Variants in RP1 observed in about 807,000 individuals in gnomAD.
The protein encoded by RP1 is oxygen-regulated protein 1.
Under a neutral mutation model 14.8 loss-of-function variants are expected in RP1, and 16 were observed. The ratio of observed to expected loss-of-function variants is 1.08; its 90% CI spans 0.73 to 1.65. The LOEUF (loss-of-function observed/expected upper bound fraction) is 1.65. RP1 is among the 40% of genes most tolerant of loss of function. The pLI is 0.00. For missense variants in RP1, 2,631 were observed against 2,535.0 expected (o/e 1.04, Z -0.81); for synonymous variants, 876 against 883.6 (o/e 0.99, Z 0.15).
intron 28 of RP1, chr8:54,865,988 C>A: frequency 1.7e-6 from 1 of 601,962 alleles, no homozygotes; most frequent in Non-Finnish European, 2.4e-6. Context: ...TGTCCTCCAG[C>A]ATGCCTCATC....
intron 1 of RP1, among the ~76,000 whole-genome samples, chr8:54,574,899 C>T (rs1033863381): frequency 6.6e-6 from 1 of 152,140 alleles, no homozygotes; most frequent in Non-Finnish European, 1.5e-5. Flanking sequence ...AGTGCCTACC[C>T]TCCTGCTGAG....
chr8:54,759,878 T>A (rs1167146734), intron 22 of RP1, among the ~76,000 whole-genome samples: 1 of 152,164 alleles, frequency 6.6e-6, no homozygotes, highest in Non-Finnish European at 1.5e-5. Flanking sequence ...TGAGGTTCCA[T>A]TTTGAAAATT....
At chr8:54,755,602 C>T (rs1450306783) in intron 20 of RP1, 126 of 1,535,476 alleles carry the variant, frequency 8.2e-5, no homozygotes, top group Non-Finnish European at 1.0e-4. Flanking sequence ...TATTTTCTCT[C>T]CCTGTTGCTT....
intron 5 of RP1, among the ~76,000 whole-genome samples, chr8:54,654,597 C>T (rs1212579992): frequency 6.6e-6 from 1 of 152,134 alleles, no homozygotes; most frequent in East Asian, 1.9e-4. Flanking sequence ...ATGTGAATTC[C>T]TGAACCTGTC....
intron 1 of RP1, among the ~76,000 whole-genome samples, chr8:54,578,431 C>T (rs1270590135): frequency 6.6e-6 from 1 of 151,994 alleles, no homozygotes; most frequent in African/African-American, 2.4e-5. Flanking sequence ...TGGTCTTGAA[C>T]TCTTGGCCTC....
chr8:54,850,106 G>T (rs1812025195), intron 25 of RP1, among the ~76,000 whole-genome samples: 2 of 152,112 alleles, frequency 1.3e-5, no homozygotes, highest in Admixed American at 6.5e-5. Context: ...TAAAAATTTG[G>T]CAGAAATGTC....
intron 25 of RP1, among the ~76,000 whole-genome samples, chr8:54,848,801 T>G (rs1305578540): frequency 6.6e-6 from 1 of 152,222 alleles, no homozygotes; most frequent in Non-Finnish European, 1.5e-5. Context: ...CAGGCTAGAG[T>G]GCAGTGGCAC....
At chr8:54,788,023 A>G (rs1810368400) in intron 24 of RP1, among the ~76,000 whole-genome samples, 2 of 152,240 alleles carry the variant, frequency 1.3e-5, no homozygotes, top group Admixed American at 6.5e-5. Context: ...TATAAAGTAT[A>G]AAACACTCTT....
intron 1 of RP1, among the ~76,000 whole-genome samples, chr8:54,608,624 C>T (rs1320015793): frequency 2.6e-5 from 4 of 152,192 alleles, no homozygotes; most frequent in African/African-American, 7.2e-5. Flanking sequence ...CAGCAAACCA[C>T]CAAGGCACAC....
At position 54,691,558 on chromosome 8, in the gene RP1, A is replaced by G. The variant is rs79789658; in HGVS notation, c.1718-7909A>G. Among the ~76,000 whole-genome samples, 271 of 152,098 alleles carry G rather than the reference A, an allele frequency of 1.8e-3. 3 individuals are homozygous for G. In the East Asian group the frequency reaches 0.044, roughly 25 times the overall value. ...CTGAGCGAGAGATGAGTGGAGATAC[A>G]GGTTTAGAATTTCTCAATTTATAGA... is the stretch of plus-strand genomic sequence containing the variant. On this transcript the variant is annotated intron_variant, in intron 12 of 22. Coordinates refer to the RP1 transcript ENST00000636932.
intron 22 of RP1, among the ~76,000 whole-genome samples, chr8:54,769,464 G>A (rs191916534): frequency 6.6e-6 from 1 of 152,144 alleles, no homozygotes; most frequent in Admixed American, 6.5e-5. Context: ...TAGTGGTAGA[G>A]GACTGACAAA....
At chr8:54,824,796 G>A (rs1811343068) in intron 24 of RP1, among the ~76,000 whole-genome samples, 1 of 152,080 alleles carries the variant, frequency 6.6e-6, no homozygotes, top group Non-Finnish European at 1.5e-5. Flanking sequence ...TATATTAATA[G>A]GCTAAGAAAG....
intron 15 of RP1, among the ~76,000 whole-genome samples, chr8:54,712,609 T>G (rs779205415): frequency 9.9e-5 from 15 of 152,206 alleles, no homozygotes; most frequent in Non-Finnish European, 2.2e-4. Context: ...ACCTTTACTC[T>G]GGTACTTTTA....
At chr8:54,782,604 T>G (rs767598449) in intron 23 of RP1, among the ~76,000 whole-genome samples, 11 of 152,214 alleles carry the variant, frequency 7.2e-5, no homozygotes, top group Non-Finnish European at 1.2e-4. Context: ...TGAGTAGAGG[T>G]GCATGCACTG....
In RP1 at chr8:54,630,205, T is replaced by C; in HGVS notation, c.6323T>C (p.Ile2108Thr). ...CTTGGTCAAGCTTGCCTCTTAGATA[T>C]TTGCCAAGTTGAGACCTCCTTAAAT... is the stretch of plus-strand genomic sequence containing the variant. Reference protein sequence around the residue: ...EMLGQACLLDICQVETSLNIS... With the variant: ...EMLGQACLLDTCQVETSLNIS... The change falls in exon 4 of 4, where the codon ATT becomes ACT. Residue 2108 changes from isoleucine (I) to threonine (T), a missense_variant. Ile to Thr is a moderately conservative substitution (Grantham distance 89, BLOSUM62 -1). Transcript: ENST00000220676. 1 of 1,613,706 alleles carries C rather than the reference T, an allele frequency of 6.2e-7. No homozygotes were observed. Among genetic ancestry groups the C allele is most frequent in the Non-Finnish European group, 8.5e-7 (1 of 1,179,942 alleles).
At chr8:54,722,988 G>A (rs914442106) in intron 16 of RP1, among the ~76,000 whole-genome samples, 1 of 152,156 alleles carries the variant, frequency 6.6e-6, no homozygotes, top group Non-Finnish European at 1.5e-5. Flanking sequence ...ACAGCAAGAG[G>A]CTCAGAAGTA....
intron 1 of RP1, among the ~76,000 whole-genome samples, chr8:54,579,738 A>G (rs913631200): frequency 3.9e-5 from 6 of 152,218 alleles, no homozygotes; most frequent in African/African-American, 1.4e-4. Flanking sequence ...CAGTTAGAGA[A>G]GCAGGGACCT....
chr8:54,649,911 T>C (rs1287367501), intron 4 of RP1, among the ~76,000 whole-genome samples: 2 of 152,200 alleles, frequency 1.3e-5, no homozygotes, highest in Admixed American at 1.3e-4. Flanking sequence ...TTAGATTAGT[T>C]TGATCTAACT....
chr8:54,808,403 C>G (rs572848860), intron 24 of RP1, among the ~76,000 whole-genome samples: 1 of 152,334 alleles, frequency 6.6e-6, no homozygotes, highest in African/African-American at 2.4e-5. Context: ...TGGAAGTGGA[C>G]ATCTTTGCAT....
Sources: allele counts gnomAD v4.1 joint callset (sites outside exome capture counted in the v4.1 genomes callset), GRCh38; gene constraint gnomAD v4.1.1; transcripts MANE v1.5; gene names NCBI Gene and HGNC (gene_info 2026-07-23, HGNC 2026-07-21).